RBFOX1: variants seen among roughly 807,000 people sequenced by gnomAD.
The protein encoded by RBFOX1 is RNA binding fox-1 homolog 1.
Under a neutral mutation model 57.7 loss-of-function variants are expected in RBFOX1, and 8 were observed. That is an observed-to-expected ratio of 0.14 (90% CI 0.08 to 0.25). The LOEUF (loss-of-function observed/expected upper bound fraction) is 0.25, where lower values mean the gene tolerates loss of function less well. Ranked by LOEUF, RBFOX1 falls within the 10% of genes least tolerant of loss-of-function variation. The pLI is 1.00. For synonymous variants in RBFOX1, 326 were observed against 222.4 expected (o/e 1.47, Z -4.15); for missense variants, 611 against 548.5 (o/e 1.11, Z -1.14).
chr16:6,544,550 G>T (rs1396317571), intron 2 of RBFOX1, among the ~76,000 whole-genome samples: 1 of 152,004 alleles, frequency 6.6e-6, no homozygotes, highest in Non-Finnish European at 1.5e-5. Flanking sequence ...TGCAACTCTT[G>T]GTATTGTTTT....
intron 3 of RBFOX1, among the ~76,000 whole-genome samples, chr16:6,913,519 C>T (rs927695194): frequency 2.6e-4 from 40 of 152,240 alleles, no homozygotes; most frequent in African/African-American, 8.4e-4. Flanking sequence ...CTGCAGTGCC[C>T]GATGCCCAGC....
intron 4 of RBFOX1, among the ~76,000 whole-genome samples, chr16:7,315,719 C>T (rs190601558): frequency 6.6e-6 from 1 of 152,046 alleles, no homozygotes; most frequent in East Asian, 1.9e-4. Flanking sequence ...GCATTTTGGA[C>T]TCGGAAAGCA....
intron 1 of RBFOX1, among the ~76,000 whole-genome samples, chr16:6,195,023 A>G (rs1038215891): frequency 3.3e-5 from 5 of 152,196 alleles, no homozygotes; most frequent in African/African-American, 1.2e-4. Flanking sequence ...GCATTACTCT[A>G]GGCCAGTTTT....
In RBFOX1 at chr16:6,637,586, A is replaced by G. The variant is rs932978266; in HGVS notation, c.-63-17017A>G. Among the ~76,000 whole-genome samples the G allele has an allele frequency of 8.5e-5, 12 of 141,152 alleles. 1 individual carries two copies. The highest frequency in any genetic ancestry group is 1.4e-4 in the Non-Finnish European group (9 of 66,418). The allele number at this position is 141,152 out of a possible 152,430, so 92.6% of individuals were successfully genotyped here. A position where few individuals can be genotyped will look rare whatever the true frequency, so the allele number is the denominator to read the frequency against. On this transcript the variant is annotated intron_variant, in intron 2 of 15. Coordinates refer to ENST00000550418, the MANE Select transcript of RBFOX1 (RefSeq NM_018723.4). ...ATATTCTATATAGTATATATATAAT[A>G]GTCTATATATATATTAGAATGTGCA...
At chr16:5,943,002 G>A (rs1028111552) in intron 4 of RBFOX1, among the ~76,000 whole-genome samples, 1 of 152,198 alleles carries the variant, frequency 6.6e-6, no homozygotes, top group African/African-American at 2.4e-5. Flanking sequence ...CCCCCAAGGG[G>A]TCTGCACTGA....
chr16:5,940,382 T>A (rs1424069846), intron 4 of RBFOX1, among the ~76,000 whole-genome samples: 1 of 152,192 alleles, frequency 6.6e-6, no homozygotes, highest in African/African-American at 2.4e-5. Context: ...ACGTTCTCAT[T>A]TGATCCTCCT....
chr16:7,493,050 T>C lies in RBFOX1; in HGVS notation c.28-25097T>C, dbSNP rs138436397. Among the ~76,000 whole-genome samples, 699 of 152,276 alleles carry C rather than the reference T, an allele frequency of 4.6e-3. 4 individuals carry two copies. The highest frequency in any genetic ancestry group is 0.016 in the African/African-American group (655 of 41,562). ...CCTGCCACCACACCCGGCTAATCTT[T>C]GTAGTTTTAGTAGAGATGGGGTTTC... On this transcript the variant is annotated intron_variant, in intron 4 of 15. Coordinates refer to ENST00000550418, the MANE Select transcript of RBFOX1 (RefSeq NM_018723.4).
At chr16:6,808,002 ACTAT>A (rs966294649) in intron 3 of RBFOX1, among the ~76,000 whole-genome samples, 1 of 150,388 alleles carries the variant, frequency 6.6e-6, no homozygotes, top group African/African-American at 2.4e-5. Context: ...TATGCATAGA[ACTAT>A]ATATAATATG....
At chr16:6,347,272 G>GA (rs2085528806) in intron 2 of RBFOX1, among the ~76,000 whole-genome samples, 1 of 152,182 alleles carries the variant, frequency 6.6e-6, no homozygotes, top group Admixed American at 6.5e-5. Context: ...GTGAACGGGA[G>GA]ATGGTTCTCA....
chr16:7,517,593 C>T (rs1336832292), intron 4 of RBFOX1, among the ~76,000 whole-genome samples: 5 of 151,878 alleles, frequency 3.3e-5, no homozygotes, highest in Admixed American at 3.3e-4. Flanking sequence ...CACAACCACA[C>T]AGACACTGGG....
intron 1 of RBFOX1, among the ~76,000 whole-genome samples, chr16:6,192,531 A>G (rs532841817): frequency 9.2e-5 from 14 of 151,966 alleles, no homozygotes; most frequent in African/African-American, 1.5e-4. Flanking sequence ...CGTTTTACCT[A>G]TCTCTTAACT....
At chr16:6,537,046 A>G (rs775986498) in intron 2 of RBFOX1, among the ~76,000 whole-genome samples, 38 of 152,200 alleles carry the variant, frequency 2.5e-4, no homozygotes, top group Admixed American at 6.5e-4. Flanking sequence ...AAGAATAGCT[A>G]TAGCTCCTCT....
intron 4 of RBFOX1, among the ~76,000 whole-genome samples, chr16:7,094,380 C>A (rs539424717): frequency 1.5e-4 from 22 of 149,280 alleles, no homozygotes; most frequent in South Asian, 1.3e-3. Context: ...CATTTATTAT[C>A]CGAAGACATT....
intron 14 of RBFOX1, among the ~76,000 whole-genome samples, chr16:7,678,564 A>C (rs535610619): frequency 1.3e-5 from 2 of 152,306 alleles, no homozygotes; most frequent in African/African-American, 4.8e-5. Flanking sequence ...AATTATAAGA[A>C]TCTTAAACAG....
intron 3 of RBFOX1, among the ~76,000 whole-genome samples, chr16:6,771,426 G>C (rs567030920): frequency 6.6e-6 from 1 of 152,014 alleles, no homozygotes; most frequent in African/African-American, 2.4e-5. Context: ...ATACACTTCT[G>C]CTCCTGTCTG....
At chr16:7,119,904 C>T (rs2066736675) in intron 4 of RBFOX1, among the ~76,000 whole-genome samples, 1 of 152,116 alleles carries the variant, frequency 6.6e-6, no homozygotes, top group African/African-American at 2.4e-5. Flanking sequence ...GATGTCCGTT[C>T]TGTTCAAGTC....
intron 3 of RBFOX1, among the ~76,000 whole-genome samples, chr16:7,007,077 C>G (rs1014594609): frequency 6.6e-6 from 1 of 152,136 alleles, no homozygotes. Context: ...GAGTTTTTCT[C>G]AACGCTGATG....
intron 4 of RBFOX1, among the ~76,000 whole-genome samples, chr16:5,900,650 T>C (rs1430778032): frequency 2.0e-5 from 3 of 152,182 alleles, no homozygotes; most frequent in Non-Finnish European, 4.4e-5. Context: ...TTCTGTCCTT[T>C]GCAGGAGCTA....
intron 2 of RBFOX1, among the ~76,000 whole-genome samples, chr16:6,559,117 G>A (rs2097144520): frequency 7.8e-6 from 1 of 128,824 alleles, no homozygotes; most frequent in South Asian, 2.2e-4. Flanking sequence ...ACATATGTGT[G>A]TGTGTGTGTG....
Sources: allele counts gnomAD v4.1 joint callset (sites outside exome capture counted in the v4.1 genomes callset), GRCh38; gene constraint gnomAD v4.1.1; transcripts MANE v1.5; gene names NCBI Gene and HGNC (gene_info 2026-07-23, HGNC 2026-07-21).